TRIP4: variants seen among roughly 807,000 people sequenced by gnomAD.
TRIP4 encodes the protein thyroid hormone receptor interactor 4.
TRIP4 carries 54 observed loss-of-function variants against 81.8 expected under a neutral mutation model. The observed-to-expected ratio is 0.66, with a 90% CI of 0.53 to 0.83. The LOEUF is 0.83. Among genes scored for constraint, TRIP4 ranks in the 40% least tolerant of loss-of-function variants. The pLI, the probability that TRIP4 is intolerant of heterozygous loss-of-function variation, is 0.00. For synonymous variants in TRIP4, 270 were observed against 242.8 expected (o/e 1.11, Z -1.04); for missense variants, 662 against 683.6 (o/e 0.97, Z 0.35).
intron 5 of TRIP4, among the ~76,000 whole-genome samples, chr15:64,401,584 C>G (rs111568488): frequency 6.6e-6 from 1 of 152,062 alleles, no homozygotes; most frequent in Admixed American, 6.6e-5. Flanking sequence ...TTCACTCATT[C>G]TATAAGCATC....
intron 9 of TRIP4, among the ~76,000 whole-genome samples, chr15:64,420,380 C>G (rs1245695520): frequency 6.6e-6 from 1 of 152,088 alleles, no homozygotes; most frequent in East Asian, 1.9e-4. Flanking sequence ...CTCAGCCTCC[C>G]AAAGTGCTGG....
chr15:64,441,615 T>C (rs1168410693), intron 11 of TRIP4, among the ~76,000 whole-genome samples: 1 of 151,708 alleles, frequency 6.6e-6, no homozygotes, highest in Non-Finnish European at 1.5e-5. Flanking sequence ...CTACTAAAAA[T>C]ACAAAAAATT....
At chr15:64,436,627 T>A (rs1360738471) in intron 11 of TRIP4, among the ~76,000 whole-genome samples, 1 of 150,414 alleles carries the variant, frequency 6.6e-6, no homozygotes, top group Non-Finnish European at 1.5e-5. Flanking sequence ...TCTGAAGTCT[T>A]CCCTAACCCC....
At chr15:64,413,828 CG>C (rs1357520545) in intron 7 of TRIP4, among the ~76,000 whole-genome samples, 6 of 152,060 alleles carry the variant, frequency 3.9e-5, no homozygotes, top group African/African-American at 1.2e-4. Flanking sequence ...CCTTGTGATC[CG>C]CCCTCCTTGG....
chr15:64,450,402 A>AG (rs1892730290), intron 12 of TRIP4, among the ~76,000 whole-genome samples: 1 of 150,408 alleles, frequency 6.6e-6, no homozygotes, highest in Non-Finnish European at 1.5e-5. Context: ...AGAAAAAAAA[A>AG]AAAAAAAAAA....
intron 1 of TRIP4, among the ~76,000 whole-genome samples, chr15:64,392,217 G>C (rs1190837249): frequency 6.6e-6 from 1 of 151,938 alleles, no homozygotes; most frequent in African/African-American, 2.4e-5. Flanking sequence ...AGAATCGCTT[G>C]AACCTGGGAG....
chr15:64,412,515 A>C (rs566461892), intron 7 of TRIP4, among the ~76,000 whole-genome samples: 95 of 151,434 alleles, frequency 6.3e-4, no homozygotes, highest in African/African-American at 2.2e-3. Flanking sequence ...TTCATCATCT[A>C]TACGGCTTTC....
Position 64,402,524 on chromosome 15 carries a change from T to A in TRIP4, c.697+1703T>A, listed in dbSNP as rs546309628. ...TGTGAGCCACCGCGCCCGGCCAACA[T>A]TTTTTTTTTTTTTTCTGAGACGGAG... On this transcript the variant is annotated intron_variant, in intron 5 of 12. Coordinates refer to ENST00000261884, the MANE Select transcript of TRIP4 (RefSeq NM_016213.5). Among the ~76,000 whole-genome samples the A allele has an allele frequency of 4.9e-3, 634 of 130,372 alleles. 9 individuals are homozygous for A. Among genetic ancestry groups the A allele is most frequent in the African/African-American group, 0.017 (602 of 34,634 alleles). 85.5% of individuals were successfully genotyped at this position (130,372 alleles called of 152,430 possible).
intron 5 of TRIP4, 109 bp downstream of exon 5, chr15:64,400,930 AT>A: frequency 1.1e-6 from 1 of 876,086 alleles, no homozygotes; most frequent in African/African-American, 1.9e-5. Context: ...TTATTCACTC[AT>A]TCTCAGTTTT....
At chr15:64,427,955 T>C (rs1177545335) in intron 11 of TRIP4, among the ~76,000 whole-genome samples, 3 of 151,288 alleles carry the variant, frequency 2.0e-5, no homozygotes, top group East Asian at 2.0e-4. Flanking sequence ...TCCTCCCCCC[T>C]CTTTTTTTTT....
At chr15:64,427,440 A>G (rs1198566606) in intron 11 of TRIP4, among the ~76,000 whole-genome samples, 3 of 151,946 alleles carry the variant, frequency 2.0e-5, no homozygotes, top group South Asian at 4.1e-4. Context: ...TGGAGTGCCA[A>G]TCTTGGCTCA....
At chr15:64,398,355 A>T (rs1256605936) in intron 4 of TRIP4, among the ~76,000 whole-genome samples, 1 of 124,776 alleles carries the variant, frequency 8.0e-6, no homozygotes, top group Non-Finnish European at 1.6e-5. Context: ...TGGGAGGCTG[A>T]GGTGGGAGGA....
chr15:64,445,211 C>CT, intron 12 of TRIP4, 103 bp downstream of exon 12: 5 of 589,066 alleles, frequency 8.5e-6, no homozygotes, highest in Non-Finnish European at 1.5e-5. Context: ...TGTGAACAAT[C>CT]AGTTGAGGTA....
intron 4 of TRIP4, among the ~76,000 whole-genome samples, chr15:64,399,766 G>A (rs1891445937): frequency 6.6e-6 from 1 of 152,072 alleles, no homozygotes; most frequent in Admixed American, 6.6e-5. Context: ...CTCCCAAAGT[G>A]CTGGGATTAC....
At chr15:64,399,712 C>T (rs754382481) in intron 4 of TRIP4, among the ~76,000 whole-genome samples, 11 of 152,094 alleles carry the variant, frequency 7.2e-5, no homozygotes, top group Admixed American at 6.6e-5. Context: ...ATATTGACCA[C>T]GCTCAATTGA....
rs1375276723 is a variant in TRIP4 at position 64,431,052 on chromosome 15, GAA to G, written c.1575+5423_1575+5424del. On this transcript the variant is annotated intron_variant, in intron 11 of 12. Coordinates refer to ENST00000261884, the MANE Select transcript of TRIP4 (RefSeq NM_016213.5). The stretch of plus-strand genomic sequence containing the variant: ...GATTCCAAGTATCACTTCGTTTGTG[GAA>G]ATCATCAGCTTCTATCACCAATGAA... 3.9e-5 allele frequency among the ~76,000 whole-genome samples: 6 copies of G among 152,136 alleles called. 1 individual carries two copies. The East Asian group carries it at 1.2e-3, about 29-fold the overall frequency.
chr15:64,433,129 A>G (rs962802020), intron 11 of TRIP4, among the ~76,000 whole-genome samples: 2 of 152,166 alleles, frequency 1.3e-5, no homozygotes, highest in African/African-American at 4.8e-5. Flanking sequence ...ACTGTCTCTG[A>G]GAAAAATAAA....
At chr15:64,439,408 A>C (rs1235712842) in intron 11 of TRIP4, among the ~76,000 whole-genome samples, 1 of 151,976 alleles carries the variant, frequency 6.6e-6, no homozygotes, top group African/African-American at 2.4e-5. Context: ...CTAGTTCCTC[A>C]AAATTCAGAC....
chr15:64,396,788 C>G (rs919079839), intron 3 of TRIP4, among the ~76,000 whole-genome samples: 1 of 152,142 alleles, frequency 6.6e-6, no homozygotes, highest in South Asian at 2.1e-4. Flanking sequence ...TAGTATATAT[C>G]TAGGAGTTGA....
Sources: gnomAD v4.1 joint callset for allele counts (sites outside exome capture counted in the v4.1 genomes callset) on GRCh38, gnomAD v4.1.1 for gene constraint, MANE v1.5 for transcripts, NCBI Gene and HGNC (gene_info 2026-07-23, HGNC 2026-07-21) for gene names.